Variants in FMNL2 observed in about 807,000 individuals in gnomAD.
The protein encoded by FMNL2 is formin-like protein 2.
FMNL2 carries 51 observed loss-of-function variants against 130.2 expected under a neutral mutation model. The ratio of observed to expected loss-of-function variants is 0.39; its 90% CI spans 0.31 to 0.49. The LOEUF is 0.49. Among genes scored for constraint, FMNL2 ranks in the 20% least tolerant of loss-of-function variants. The pLI, the probability that FMNL2 is intolerant of heterozygous loss-of-function variation, is 0.85. For missense variants in FMNL2, 977 were observed against 1,316.2 expected, an observed-to-expected ratio of 0.74 and a Z score of 3.99; for synonymous variants, 465 against 467.1, an observed-to-expected ratio of 1.00 and a Z score of 0.06.
intron 1 of FMNL2, among the ~76,000 whole-genome samples, chr2:152,464,214 G>A (rs1426076101): frequency 2.0e-5 from 3 of 152,180 alleles, no homozygotes; most frequent in African/African-American, 4.8e-5. Context: ...AAAGTGCTGG[G>A]ATTACAGGTG....
At chr2:152,353,005 T>C (rs1682587981) in intron 1 of FMNL2, among the ~76,000 whole-genome samples, 1 of 152,178 alleles carries the variant, frequency 6.6e-6, no homozygotes, top group South Asian at 2.1e-4. Flanking sequence ...ATTTAACCAA[T>C]GTTTTGCTTG....
intron 1 of FMNL2, among the ~76,000 whole-genome samples, chr2:152,504,813 C>T (rs116058046): frequency 0.011 from 1,625 of 152,078 alleles, 32 homozygotes; most frequent in African/African-American, 0.037. Flanking sequence ...TACTGTCAGG[C>T]GGGGGCTTAG....
At chr2:152,521,340 C>T (rs1031350235) in intron 1 of FMNL2, among the ~76,000 whole-genome samples, 1 of 152,174 alleles carries the variant, frequency 6.6e-6, no homozygotes, top group African/African-American at 2.4e-5. Flanking sequence ...TGATTAATTT[C>T]CTACTGCAAA....
chr2:152,640,538 T>C (rs968263732), intron 24 of FMNL2, among the ~76,000 whole-genome samples: 11 of 152,228 alleles, frequency 7.2e-5, no homozygotes, highest in African/African-American at 2.4e-4. Context: ...CTATGGTCAT[T>C]ACCAGTTGCC....
intron 9 of FMNL2, among the ~76,000 whole-genome samples, chr2:152,605,871 C>T (rs912313908): frequency 5.3e-5 from 8 of 152,158 alleles, no homozygotes; most frequent in Admixed American, 2.0e-4. Context: ...GATTTACCCC[C>T]GGTGGTGCCT....
At chr2:152,581,600 G>C (rs1278897824) in intron 9 of FMNL2, among the ~76,000 whole-genome samples, 1 of 152,002 alleles carries the variant, frequency 6.6e-6, no homozygotes, top group East Asian at 1.9e-4. Context: ...GACGCCGCGG[G>C]CCCTGCCCCA....
At chr2:152,595,027 A>G (rs758116368) in intron 9 of FMNL2, among the ~76,000 whole-genome samples, 6 of 152,180 alleles carry the variant, frequency 3.9e-5, no homozygotes, top group Non-Finnish European at 8.8e-5. Context: ...TCATGGTAAC[A>G]TGAGCTTTAG....
intron 10 of FMNL2, among the ~76,000 whole-genome samples, 167 bp from the exon 11 acceptor site, chr2:152,611,328 G>A (rs906765041): frequency 3.9e-5 from 6 of 152,002 alleles, no homozygotes; most frequent in Non-Finnish European, 8.8e-5. Context: ...GACAGAGCAA[G>A]ACTCCATTTC....
rs947556175 is a variant in FMNL2, at chr2:152,566,180, A to G, written c.596+5145A>G. ...ATTTACGTGAAGAGATGAAGAATTC[A>G]AATGTAGGTCCTTGTTTATATATTT... On this transcript the variant is annotated intron_variant, in intron 6 of 25. Transcript: ENST00000288670. Among the ~76,000 whole-genome samples, 19 of 152,358 alleles carry G rather than the reference A, an allele frequency of 1.2e-4. No homozygotes were observed. The South Asian group carries it at 1.9e-3, about 15-fold the overall frequency.
chr2:152,501,186 T>A (rs1234292404), intron 1 of FMNL2, among the ~76,000 whole-genome samples: 1 of 152,290 alleles, frequency 6.6e-6, no homozygotes, highest in East Asian at 1.9e-4. Flanking sequence ...CCAAATAGAG[T>A]CCTCAACCTA....
intron 1 of FMNL2, among the ~76,000 whole-genome samples, chr2:152,460,539 A>G (rs1689179626): frequency 6.6e-6 from 1 of 152,164 alleles, no homozygotes; most frequent in Non-Finnish European, 1.5e-5. Flanking sequence ...CTTTCCCACA[A>G]CTGCCCTCTT....
chr2:152,486,427 CT>C (rs1690833391), intron 1 of FMNL2, among the ~76,000 whole-genome samples: 1 of 152,154 alleles, frequency 6.6e-6, no homozygotes, highest in South Asian at 2.1e-4. Flanking sequence ...GGAAATATTT[CT>C]TTGGGGTTAT....
At chr2:152,460,651 C>T (rs1030728244) in intron 1 of FMNL2, among the ~76,000 whole-genome samples, 1 of 152,208 alleles carries the variant, frequency 6.6e-6, no homozygotes, top group African/African-American at 2.4e-5. Context: ...CAGTGCTCCC[C>T]ATCACTTGCA....
chr2:152,589,981 A>ATATATATGTATATG (rs1553482691), intron 9 of FMNL2, among the ~76,000 whole-genome samples: 476 of 41,862 alleles, frequency 0.011, 1 homozygote, highest in East Asian at 0.028. Flanking sequence ...ATATATATAT[A>ATATATATGTATATG]TATGTATATG....
rs1681799854 is a variant in FMNL2, at chr2:152,626,554, A to T, written c.1992A>T (p.Ile664=). Reference sequence around the variant, plus strand: ...TAAATGTGGATGAATTTGAGGAAATATTCAAGACAAAAGCCCAAGGACCTG... The same window carrying T: ...TAAATGTGGATGAATTTGAGGAAATTTTCAAGACAAAAGCCCAAGGACCTG... ...EDLNVDEFEE[I]FKTKAQGPAI... Residue 664 remains isoleucine (I), a synonymous_variant, in exon 17 of 26, where the codon ATA becomes ATT. Transcript: ENST00000288670. The T allele has an allele frequency of 6.2e-7, 1 of 1,610,288 alleles. No individual in the cohort carries two copies. Among genetic ancestry groups the T allele is most frequent in the African/African-American group, 1.3e-5 (1 of 74,890 alleles).
intron 1 of FMNL2, among the ~76,000 whole-genome samples, chr2:152,338,834 C>CACACACACACACACAT (rs1553862423): frequency 0.017 from 2,500 of 150,292 alleles, 21 homozygotes; most frequent in African/African-American, 0.033. Context: ...CACACACACA[C>CACACACACACACACAT]ACACACACAC....
At position 152,639,993 on chromosome 2, in the gene FMNL2, G is replaced by C; in HGVS notation, c.2982G>C (p.Gln994His). 1 of 1,559,096 alleles carries C rather than the reference G, an allele frequency of 6.4e-7. No homozygotes were observed. The stretch of plus-strand genomic sequence containing the variant: ...AGGAAAATGAGCTGAGGAAAAAGCA[G>C]GAACAAGCTCTCATGGAAAAACTCC... Reference protein sequence around the residue: ...AEEENELRKKQEQALMEKLLE... With the variant: ...AEEENELRKKHEQALMEKLLE... The change falls in exon 24 of 26, where the codon CAG becomes CAC. Residue 994 changes from glutamine to histidine, a missense_variant. Gln to His is a conservative substitution (Grantham distance 24). This residue lies in a region of FMNL2 where 168 missense variants were observed against 168.8 expected (regional missense o/e 1.00). Coordinates refer to ENST00000288670, the MANE Select transcript of FMNL2 (RefSeq NM_052905.4).
chr2:152,419,761 G>C (rs1320786412), intron 1 of FMNL2, among the ~76,000 whole-genome samples: 1 of 152,110 alleles, frequency 6.6e-6, no homozygotes, highest in Non-Finnish European at 1.5e-5. Flanking sequence ...GCGCCCCTGA[G>C]ACCACCCCAG....
At chr2:152,485,282 A>G (rs1208029016) in intron 1 of FMNL2, among the ~76,000 whole-genome samples, 5 of 152,170 alleles carry the variant, frequency 3.3e-5, no homozygotes, top group Non-Finnish European at 7.4e-5. Flanking sequence ...CACGAGGTCA[A>G]GAGATCAAGA....
Sources: gnomAD v4.1 joint callset for allele counts (sites outside exome capture counted in the v4.1 genomes callset) on GRCh38, gnomAD v4.1.1 for gene constraint, gnomAD v4.1.1 regional missense constraint, MANE v1.5 for transcripts, NCBI Gene and HGNC (gene_info 2026-07-23, HGNC 2026-07-21) for gene names.